The following ADAM22 variants were observed in gnomAD, a reference collection of about 807,000 sequenced individuals.
ADAM22 encodes the protein disintegrin and metalloproteinase domain-containing protein 22.
ADAM22 carries 65 observed loss-of-function variants against 144.6 expected under a neutral mutation model. The ratio of observed to expected loss-of-function variants is 0.45; its 90% CI spans 0.37 to 0.55. ADAM22 has a LOEUF of 0.55. Among genes scored for constraint, ADAM22 ranks in the 20% least tolerant of loss-of-function variants. The pLI, the probability that ADAM22 is intolerant of heterozygous loss-of-function variation, is 0.00. For synonymous variants in ADAM22, 391 were observed against 412.6 expected, an observed-to-expected ratio of 0.95 and a Z score of 0.63; for missense variants, 974 against 1,184.9, an observed-to-expected ratio of 0.82 and a Z score of 2.61.
chr7:87,954,283 G>A (rs919879467), intron 2 of ADAM22, among the ~76,000 whole-genome samples: 4 of 152,018 alleles, frequency 2.6e-5, no homozygotes, highest in African/African-American at 4.8e-5. Context: ...GCTTGTACCC[G>A]TTGTGCCTTT....
At chr7:88,136,180 T>C (rs561316567) in intron 14 of ADAM22, 149 bp downstream of exon 14, 74 of 537,932 alleles carry the variant, frequency 1.4e-4, no homozygotes, top group African/African-American at 1.4e-3. Flanking sequence ...ATAAAAACAA[T>C]TGATGTCAAT....
At chr7:88,122,093 A>C (rs1476427378) in intron 7 of ADAM22, among the ~76,000 whole-genome samples, 1 of 152,174 alleles carries the variant, frequency 6.6e-6, no homozygotes, top group African/African-American at 2.4e-5. Context: ...ACTGCATCTC[A>C]TCTCAAGGCT....
intron 2 of ADAM22, among the ~76,000 whole-genome samples, chr7:87,953,069 T>C (rs568904058): frequency 6.6e-6 from 1 of 152,192 alleles, no homozygotes; most frequent in Non-Finnish European, 1.5e-5. Context: ...ATCAATTTTG[T>C]TGATCCTTTC....
At chr7:88,076,182 C>G (rs879502214) in intron 4 of ADAM22, among the ~76,000 whole-genome samples, 1 of 152,020 alleles carries the variant, frequency 6.6e-6, no homozygotes, top group Non-Finnish European at 1.5e-5. Context: ...GGATTACAGG[C>G]GCCTGCCACC....
chr7:88,178,156 T>C (rs1289016517), intron 26 of ADAM22, among the ~76,000 whole-genome samples: 2 of 152,140 alleles, frequency 1.3e-5, no homozygotes, highest in Non-Finnish European at 2.9e-5. Context: ...TCAATAACAG[T>C]GCAGATTAAA....
chr7:88,027,681 C>G (rs1799316298), intron 3 of ADAM22, among the ~76,000 whole-genome samples: 1 of 152,018 alleles, frequency 6.6e-6, no homozygotes, highest in South Asian at 2.1e-4. Flanking sequence ...TGTATTGTTT[C>G]AATTTCATTT....
chr7:87,983,330 CTCTTA>C (rs150287617), intron 3 of ADAM22, among the ~76,000 whole-genome samples: 6,742 of 152,122 alleles, frequency 0.044, 264 homozygotes, highest in Non-Finnish European at 0.066. Context: ...GTTAAGCATT[CTCTTA>C]TATGTCAGTA....
At chr7:88,116,332 C>A (rs1827750598) in intron 6 of ADAM22, among the ~76,000 whole-genome samples, 1 of 152,276 alleles carries the variant, frequency 6.6e-6, no homozygotes, top group East Asian at 1.9e-4. Flanking sequence ...TTATACCAGG[C>A]ATCCTGCTCC....
intron 4 of ADAM22, among the ~76,000 whole-genome samples, chr7:88,104,500 A>T (rs895450943): frequency 8.6e-5 from 13 of 151,702 alleles, no homozygotes; most frequent in African/African-American, 3.1e-4. Context: ...GTATTATTTT[A>T]AAATAACACA....
intron 22 of ADAM22, among the ~76,000 whole-genome samples, chr7:88,159,369 A>C (rs1554508714): frequency 6.6e-6 from 1 of 152,042 alleles, no homozygotes; most frequent in African/African-American, 2.4e-5. Flanking sequence ...CTATTCAAAA[A>C]AATTGAGGAG....
intron 3 of ADAM22, among the ~76,000 whole-genome samples, chr7:88,046,363 ATCT>A (rs1804694398): frequency 6.6e-6 from 1 of 152,106 alleles, no homozygotes; most frequent in Admixed American, 6.6e-5. Context: ...CCATTTGTAT[ATCT>A]TCTTTGTAAA....
At chr7:88,161,547 A>T (rs868650449) in intron 22 of ADAM22, among the ~76,000 whole-genome samples, 4 of 152,112 alleles carry the variant, frequency 2.6e-5, no homozygotes, top group South Asian at 2.1e-4. Flanking sequence ...CAGAATGGGA[A>T]AATTCTTTTG....
chr7:88,002,720 A>G (rs1792867674), intron 3 of ADAM22, among the ~76,000 whole-genome samples: 1 of 152,232 alleles, frequency 6.6e-6, no homozygotes, highest in Admixed American at 6.5e-5. Context: ...CTGGGTGAAG[A>G]AGAACCTTTT....
intron 3 of ADAM22, among the ~76,000 whole-genome samples, chr7:88,030,938 A>G (rs1489311099): frequency 6.6e-6 from 1 of 152,136 alleles, no homozygotes; most frequent in Non-Finnish European, 1.5e-5. Flanking sequence ...AACACAGTGA[A>G]ACCCCATCTC....
chr7:87,939,246 C>T (rs964408758), intron 2 of ADAM22, among the ~76,000 whole-genome samples: 11 of 152,128 alleles, frequency 7.2e-5, no homozygotes, highest in Admixed American at 7.2e-4. Flanking sequence ...GTGAGCATAT[C>T]CAACCAAAGA....
rs79659319 is a variant in ADAM22, at chr7:87,942,169, A to C, written c.246+6983A>C. ...AAGAAAAGGTAGAGTCCTTGAGGGG[A>C]ATGGTGAGAAGGTGGAAGGAAAAGG... On this transcript the variant is annotated intron_variant, in intron 2 of 31. Coordinates refer to ENST00000413139, the MANE Select transcript of ADAM22 (RefSeq NM_001324418.2). Among the ~76,000 whole-genome samples, 174 of 152,270 alleles carry C rather than the reference A, an allele frequency of 1.1e-3. No homozygotes were observed. The East Asian group carries it at 0.025, about 22-fold the overall frequency.
chr7:87,971,634 A>G (rs1026950106), intron 2 of ADAM22, among the ~76,000 whole-genome samples: 20 of 152,154 alleles, frequency 1.3e-4, no homozygotes, highest in Admixed American at 5.9e-4. Flanking sequence ...CTACTTTTTC[A>G]TCTTCAACTT....
chr7:88,058,199 A>C lies in ADAM22; in HGVS notation c.324-17427A>C, dbSNP rs1231778968. On this transcript the variant is annotated intron_variant, in intron 3 of 31. Transcript: ENST00000413139. ...ACTTCTGATTTCAACAAGAAGTAGC[A>C]CTTGGGAAAAGTTCTAGAAATAGAG... Among the ~76,000 whole-genome samples the C allele has an allele frequency of 2.0e-5, 3 of 152,216 alleles. 1 individual carries two copies. The highest frequency in any genetic ancestry group is 1.3e-4 in the Admixed American group (2 of 15,286).
intron 2 of ADAM22, among the ~76,000 whole-genome samples, chr7:87,960,847 T>C (rs1847854767): frequency 6.6e-6 from 1 of 152,212 alleles, no homozygotes; most frequent in Non-Finnish European, 1.5e-5. Context: ...GTGATTTGAT[T>C]TGTGAACTGA....
Sources: gnomAD v4.1 joint callset for allele counts (sites outside exome capture counted in the v4.1 genomes callset) on GRCh38, gnomAD v4.1.1 for gene constraint, MANE v1.5 for transcripts, NCBI Gene and HGNC (gene_info 2026-07-23, HGNC 2026-07-21) for gene names.